Variants in GDAP1L1 observed in about 807,000 individuals in gnomAD.
The protein encoded by GDAP1L1 is ganglioside induced differentiation associated protein 1 like 1, also known as ganglioside-induced differentiation-associated protein 1-like 1.
In GDAP1L1, 21 loss-of-function variants were observed where a neutral mutation model predicts 37.1. That is an observed-to-expected ratio of 0.57 (90% CI 0.40 to 0.81). The LOEUF is 0.81. Ranked by LOEUF, GDAP1L1 falls within the 40% of genes least tolerant of loss-of-function variation. GDAP1L1 has a pLI of 0.00. For missense variants in GDAP1L1, 362 were observed against 491.6 expected, an observed-to-expected ratio of 0.74 and a Z score of 2.49; for synonymous variants, 193 against 209.1, an observed-to-expected ratio of 0.92 and a Z score of 0.67.
intron 5 of GDAP1L1, among the ~76,000 whole-genome samples, chr20:44,268,839 G>A (rs2062483075): frequency 6.6e-6 from 1 of 152,220 alleles, no homozygotes; most frequent in Admixed American, 6.5e-5. Context: ...ACGGGCCTCA[G>A]AGCCTACATT....
At chr20:44,278,900 G>T in intron 5 of GDAP1L1, 57 bp from the exon 6 acceptor site, 3 of 1,116,210 alleles carry the variant, frequency 2.7e-6, no homozygotes, top group African/African-American at 3.1e-5. Context: ...ATGGAGAGAA[G>T]CAAGTGTGTG....
chr20:44,276,244 A>G lies in GDAP1L1; in HGVS notation c.761-2713A>G, dbSNP rs575494782. Among the ~76,000 whole-genome samples the G allele has an allele frequency of 1.2e-3, 180 of 151,896 alleles. 2 individuals are homozygous for G. Among genetic ancestry groups the G allele is most frequent in the African/African-American group, 4.2e-3 (174 of 41,384 alleles). On this transcript the variant is annotated intron_variant, in intron 5 of 5. Coordinates refer to ENST00000342560, the MANE Select transcript of GDAP1L1 (RefSeq NM_024034.6). ...CAGCTACTTGGAATGCTGAGGCAGA[A>G]GAATTGTTTGAACCCTGGAGGTGGA...
At chr20:44,252,336 C>T (rs1280934957) in intron 1 of GDAP1L1, among the ~76,000 whole-genome samples, 2 of 152,074 alleles carry the variant, frequency 1.3e-5, no homozygotes, top group Admixed American at 1.3e-4. Context: ...ACAGGTGAAA[C>T]CCTGTCTCTC....
chr20:44,266,882 C>T (rs992688702), intron 5 of GDAP1L1, among the ~76,000 whole-genome samples: 1 of 152,098 alleles, frequency 6.6e-6, no homozygotes, highest in Non-Finnish European at 1.5e-5. Flanking sequence ...CTTCCTTGGG[C>T]CACATTGGAA....
At chr20:44,255,830 C>T (rs1057088300) in intron 1 of GDAP1L1, among the ~76,000 whole-genome samples, 4 of 152,156 alleles carry the variant, frequency 2.6e-5, no homozygotes, top group East Asian at 1.9e-4. Flanking sequence ...GGCCACTTGC[C>T]ATCTTGCCAG....
At chr20:44,258,708 C>T in intron 3 of GDAP1L1, 101 bp downstream of exon 3, 1 of 800,426 alleles carries the variant, frequency 1.2e-6, no homozygotes, top group East Asian at 2.7e-5. Context: ...TCTCTGTCCT[C>T]CCCTTCCTCC....
In GDAP1L1 at chr20:44,276,412, AAAAGAAAG is replaced by A. The variant is rs59432514; in HGVS notation, c.761-2497_761-2490del. On this transcript the variant is annotated intron_variant, in intron 5 of 5. Coordinates refer to ENST00000342560, the MANE Select transcript of GDAP1L1 (RefSeq NM_024034.6). Reference sequence around the variant, plus strand: ...AGAAAAGAAAGGGAAAGAAAAAAGAAAAAGAAAGAAAGAAAGAAAGAAAGAAAGAAAGA... The same window carrying A: ...AGAAAAGAAAGGGAAAGAAAAAAGAAAAAGAAAGAAAGAAAGAAAGAAAGA... Among the ~76,000 whole-genome samples, 944 of 113,380 alleles carry A rather than the reference AAAAGAAAG, an allele frequency of 8.3e-3. 4 individuals are homozygous for A. Among genetic ancestry groups the A allele is most frequent in the Admixed American group, 0.01 (102 of 10,026 alleles). 74.4% of individuals were successfully genotyped at this position (113,380 alleles called of 152,430 possible). A position where few individuals can be genotyped will look rare whatever the true frequency, so the allele number is the denominator to read the frequency against.
chr20:44,249,326 C>T (rs1201808802), intron 1 of GDAP1L1, among the ~76,000 whole-genome samples: 1 of 152,152 alleles, frequency 6.6e-6, no homozygotes, highest in Non-Finnish European at 1.5e-5. Flanking sequence ...GTGTGAGCCA[C>T]CAGGAGCGGC....
intron 1 of GDAP1L1, among the ~76,000 whole-genome samples, chr20:44,253,195 C>T (rs79421122): frequency 0.02 from 3,110 of 152,206 alleles, 107 homozygotes; most frequent in African/African-American, 0.071. Flanking sequence ...AATTGCTTAC[C>T]ATCTGCCTGC....
In GDAP1L1 at chr20:44,278,967, C is replaced by G; in HGVS notation, c.771C>G (p.Cys257Trp). 1 of 1,610,442 alleles carries G rather than the reference C, an allele frequency of 6.2e-7. No individual in the cohort carries two copies. Among genetic ancestry groups the G allele is most frequent in the South Asian group, 1.1e-5 (1 of 90,868 alleles). ...KRKLENEGQK[C>W]ELWLCGCAFT... ...TTTCTTCCACTCTAGGGCAGAAATG[C>G]GAGCTGTGGCTCTGTGGCTGTGCCT... Residue 257 changes from cysteine to tryptophan, a missense_variant, in exon 6 of 6, where the codon TGC becomes TGG. Around this residue, in one of 2 missense-constraint regions of GDAP1L1, gnomAD observed 85 missense variants for 154.4 expected, o/e 0.55. Transcript: ENST00000342560.
At chr20:44,278,856 T>A in intron 5 of GDAP1L1, 101 bp from the exon 6 acceptor site, 1 of 742,240 alleles carries the variant, frequency 1.3e-6, no homozygotes, top group Non-Finnish European at 2.3e-6. Flanking sequence ...CCTCAGAAAA[T>A]ACTGGGGCAG....
intron 3 of GDAP1L1, among the ~76,000 whole-genome samples, chr20:44,259,973 T>C (rs939314052): frequency 1.3e-5 from 2 of 152,122 alleles, no homozygotes; most frequent in African/African-American, 4.8e-5. Flanking sequence ...CAGAACTAAG[T>C]GAGTTTGAAT....
rs147034341 is a variant in GDAP1L1, at chr20:44,265,712, C to A, written c.760+1153C>A. 1.1e-4 allele frequency among the ~76,000 whole-genome samples: 16 copies of A among 152,308 alleles called. No individual in the cohort carries two copies. In the East Asian group the frequency reaches 2.9e-3, roughly 28 times the overall value. ...ACTCAGCACACTGCCTGTCCCATTA[C>A]TAGTTTAATACATATGGCAGCTAAA... On this transcript the variant is annotated intron_variant, in intron 5 of 5. Transcript: ENST00000342560.
intron 5 of GDAP1L1, among the ~76,000 whole-genome samples, chr20:44,272,956 G>C (rs2062535723): frequency 1.3e-5 from 2 of 152,028 alleles, no homozygotes; most frequent in South Asian, 4.2e-4. Flanking sequence ...GTCTATGCGG[G>C]ATACAGACGC....
At chr20:44,266,320 C>CAA (rs34665372) in intron 5 of GDAP1L1, among the ~76,000 whole-genome samples, 1 of 137,960 alleles carries the variant, frequency 7.2e-6, no homozygotes, top group African/African-American at 2.7e-5. Flanking sequence ...GCCCCCCAAC[C>CAA]AAAAAAAAAA....
chr20:44,257,820 C>T (rs187385926), intron 2 of GDAP1L1, among the ~76,000 whole-genome samples: 51 of 152,152 alleles, frequency 3.4e-4, no homozygotes, highest in African/African-American at 7.0e-4. Context: ...TGTTCCCAGA[C>T]GCCCCAGAAC....
intron 5 of GDAP1L1, among the ~76,000 whole-genome samples, chr20:44,274,594 CCT>C (rs2062553915): frequency 6.6e-6 from 1 of 152,198 alleles, no homozygotes; most frequent in Non-Finnish European, 1.5e-5. Flanking sequence ...TCTTCGGAAC[CCT>C]GTCCTAAGTT....
chr20:44,264,715 C>A, intron 5 of GDAP1L1, 156 bp downstream of exon 5: 1 of 1,435,904 alleles, frequency 7.0e-7, no homozygotes, highest in Non-Finnish European at 9.4e-7. Context: ...CAAGTCATAA[C>A]TTGGCCACTT....
rs779006217 is a variant in GDAP1L1, at chr20:44,258,604, C to G, written c.544C>G (p.Arg182Gly). 6.3e-7 allele frequency: 1 copy of G among 1,598,486 alleles called. No individual in the cohort carries two copies. Among genetic ancestry groups the G allele is most frequent in the Non-Finnish European group, 8.5e-7 (1 of 1,173,038 alleles). The change falls in exon 3 of 6, where the codon CGC (arginine) becomes GGC (glycine). Residue 182 changes from arginine (R) to glycine (G), a missense_variant. Arg to Gly is a moderately radical substitution (Grantham distance 125). This residue lies in a region of GDAP1L1 where 277 missense variants were observed against 337.1 expected (regional missense o/e 0.82). Coordinates refer to ENST00000342560, the MANE Select transcript of GDAP1L1 (RefSeq NM_024034.6). ...CCCCAAGTACGCCACGGCCGAGATC[C>G]GCAGTGAGTGCCAGGGCGGCGAGAC... ...MIPKYATAEIRRHLANATTDL... is the reference protein window; with the variant it reads ...MIPKYATAEIGRHLANATTDL...
Sources: gnomAD v4.1 joint callset for allele counts (sites outside exome capture counted in the v4.1 genomes callset) on GRCh38, gnomAD v4.1.1 for gene constraint, gnomAD v4.1.1 regional missense constraint, MANE v1.5 for transcripts, NCBI Gene and HGNC (gene_info 2026-07-23, HGNC 2026-07-21) for gene names.